The following OSBP2 variants were observed in gnomAD, a reference collection of about 807,000 sequenced individuals.
OSBP2 encodes the protein oxysterol binding protein 2.
OSBP2 carries 66 observed loss-of-function variants against 96.0 expected under a neutral mutation model. The ratio of observed to expected loss-of-function variants is 0.69; its 90% CI spans 0.56 to 0.84. OSBP2 has a LOEUF of 0.84. OSBP2 is among the 40% of genes least tolerant of loss of function. The pLI, the probability that OSBP2 is intolerant of heterozygous loss-of-function variation, is 0.00. For missense variants in OSBP2, 1,038 were observed against 1,222.7 expected, an observed-to-expected ratio of 0.85 and a Z score of 2.25; for synonymous variants, 525 against 520.9, an observed-to-expected ratio of 1.01 and a Z score of -0.11.
At chr22:30,792,662 T>G (rs1380515914) in intron 2 of OSBP2, among the ~76,000 whole-genome samples, 1 of 152,214 alleles carries the variant, frequency 6.6e-6, no homozygotes, top group African/African-American at 2.4e-5. Context: ...CAATTATCAT[T>G]GGTTGGCAAC....
chr22:30,694,405 G>C (rs2088981039), upstream of OSBP2: 1 of 1,460,264 alleles, frequency 6.8e-7, no homozygotes, highest in African/African-American at 1.4e-5. Context: ...TGTGCTTCGT[G>C]CGCATTTCGT....
chr22:30,776,355 G>T (rs2090436533), intron 2 of OSBP2, among the ~76,000 whole-genome samples: 1 of 151,992 alleles, frequency 6.6e-6, no homozygotes, highest in Non-Finnish European at 1.5e-5. Context: ...CAACTCCTGA[G>T]GTCAATCGAT....
intron 2 of OSBP2, among the ~76,000 whole-genome samples, chr22:30,792,443 T>G (rs1379352907): frequency 6.6e-6 from 1 of 152,232 alleles, no homozygotes; most frequent in Non-Finnish European, 1.5e-5. Flanking sequence ...TAAACCTTCC[T>G]GTAAATGCTT....
At chr22:30,866,294 G>A (rs551274993) in intron 2 of OSBP2, among the ~76,000 whole-genome samples, 133 of 152,336 alleles carry the variant, frequency 8.7e-4, no homozygotes, top group African/African-American at 3.0e-3. Context: ...TTTGAAGATG[G>A]AGGAAGGGGC....
chr22:30,858,592 T>G (rs2039135621), intron 2 of OSBP2, among the ~76,000 whole-genome samples: 1 of 150,796 alleles, frequency 6.6e-6, no homozygotes, highest in South Asian at 2.1e-4. Flanking sequence ...ATAAAACCCT[T>G]TCCTGGCCAG....
chr22:30,717,625 A>G (rs1342319215), intron 1 of OSBP2, among the ~76,000 whole-genome samples: 2 of 152,216 alleles, frequency 1.3e-5, no homozygotes, highest in Non-Finnish European at 2.9e-5. Context: ...CATAGCCTGT[A>G]AGAAAGCAGA....
chr22:30,701,280 G>A (rs1199799766), intron 1 of OSBP2, among the ~76,000 whole-genome samples: 1 of 151,284 alleles, frequency 6.6e-6, no homozygotes, highest in African/African-American at 2.4e-5. Flanking sequence ...GTGAAAACTG[G>A]GCACCGAGAA....
chr22:30,812,663 C>T (rs1272838844), intron 2 of OSBP2, among the ~76,000 whole-genome samples: 1 of 152,128 alleles, frequency 6.6e-6, no homozygotes, highest in Non-Finnish European at 1.5e-5. Flanking sequence ...TGCTATGTTA[C>T]AAGGAGATGC....
intron 2 of OSBP2, among the ~76,000 whole-genome samples, chr22:30,788,196 T>A (rs1333946550): frequency 6.6e-6 from 1 of 151,900 alleles, no homozygotes; most frequent in East Asian, 1.9e-4. Context: ...GTGATGGTGA[T>A]GGTGGGGACA....
chr22:30,846,604 TC>T (rs1351489786), intron 2 of OSBP2, among the ~76,000 whole-genome samples: 2 of 152,012 alleles, frequency 1.3e-5, no homozygotes, highest in Non-Finnish European at 2.9e-5. Flanking sequence ...TCCCCTTCCC[TC>T]CCTCTCACTC....
rs74279011 is a variant in OSBP2, at chr22:30,737,621, G to A, written c.645-3540G>A. Among the ~76,000 whole-genome samples, 153 of 151,990 alleles carry A rather than the reference G, an allele frequency of 1.0e-3. 1 individual carries two copies. In the East Asian group the frequency reaches 0.024, roughly 24 times the overall value. On this transcript the variant is annotated intron_variant, in intron 1 of 13. Transcript: ENST00000332585. ...TGAGATTACAGATGTGAGCCACCAC[G>A]CCCAACCTAACTTCAAGAACTCTTG...
chr22:30,845,022 A>C (rs2038840371), intron 2 of OSBP2, among the ~76,000 whole-genome samples: 1 of 152,258 alleles, frequency 6.6e-6, no homozygotes, highest in South Asian at 2.1e-4. Context: ...CAGAACACAT[A>C]CAACATTTAT....
chr22:30,826,198 C>T (rs2038401414), intron 2 of OSBP2, among the ~76,000 whole-genome samples: 1 of 152,144 alleles, frequency 6.6e-6, no homozygotes, highest in Non-Finnish European at 1.5e-5. Context: ...CAAAAATTCA[C>T]AAATAGGGAC....
intron 1 of OSBP2, among the ~76,000 whole-genome samples, chr22:30,740,273 G>C (rs1460243512): frequency 5.3e-5 from 8 of 152,186 alleles, no homozygotes; most frequent in Non-Finnish European, 1.2e-4. Context: ...CAGTTCCTAG[G>C]TGGGGGCCAC....
rs374144742 is a variant in OSBP2 at position 30,837,936 on chromosome 22, C to T, written c.854-32493C>T. Among the ~76,000 whole-genome samples, 8 of 152,220 alleles carry T rather than the reference C, an allele frequency of 5.3e-5. No individual in the cohort carries two copies. In the South Asian group the frequency reaches 8.3e-4, roughly 16 times the overall value. ...TGTGCTTTTTGTGAAAGAGCATCAT[C>T]GTTATTTTTAGTGAATGCTTTGTAT... On this transcript the variant is annotated intron_variant, in intron 2 of 13. Transcript: ENST00000332585.
chr22:30,801,491 T>A (rs1178546911), intron 2 of OSBP2, among the ~76,000 whole-genome samples: 1 of 152,236 alleles, frequency 6.6e-6, no homozygotes, highest in African/African-American at 2.4e-5. Context: ...GATCTTTTTG[T>A]AGCAGCCGTG....
chr22:30,833,057 G>A (rs1207572174), intron 2 of OSBP2, among the ~76,000 whole-genome samples: 2 of 152,174 alleles, frequency 1.3e-5, no homozygotes, highest in Non-Finnish European at 2.9e-5. Context: ...TTCTCACATT[G>A]AGTTGAGAAG....
intron 2 of OSBP2, among the ~76,000 whole-genome samples, chr22:30,849,779 G>A (rs961937962): frequency 1.3e-5 from 2 of 151,996 alleles, no homozygotes; most frequent in African/African-American, 4.8e-5. Context: ...TCCTTTTTGT[G>A]TTCTAAGAAA....
intron 12 of OSBP2, among the ~76,000 whole-genome samples, chr22:30,895,118 A>T (rs1202956058): frequency 6.6e-6 from 1 of 152,166 alleles, no homozygotes; most frequent in African/African-American, 2.4e-5. Context: ...AGGGAGGGAA[A>T]CTGCTCAAAG....
Sources: gnomAD v4.1 joint callset for allele counts (sites outside exome capture counted in the v4.1 genomes callset) on GRCh38, gnomAD v4.1.1 for gene constraint, MANE v1.5 for transcripts, NCBI Gene and HGNC (gene_info 2026-07-23, HGNC 2026-07-21) for gene names.